The following PRKAG2 variants were observed in gnomAD, a reference collection of about 807,000 sequenced individuals.
PRKAG2 encodes the protein protein kinase AMP-activated non-catalytic subunit gamma 2.
A neutral mutation model predicts 69.6 loss-of-function variants in PRKAG2; 26 were observed. The observed-to-expected ratio is 0.37, with a 90% CI of 0.27 to 0.52. PRKAG2 has a LOEUF of 0.52. Ranked by LOEUF, PRKAG2 falls within the 20% of genes least tolerant of loss-of-function variation. The pLI is 0.90. For missense variants in PRKAG2, 557 were observed against 740.0 expected, an observed-to-expected ratio of 0.75 and a Z score of 2.87; for synonymous variants, 293 against 285.0, an observed-to-expected ratio of 1.03 and a Z score of -0.28.
chr7:151,701,425 G>A (rs1186039515), intron 3 of PRKAG2, among the ~76,000 whole-genome samples: 3 of 152,220 alleles, frequency 2.0e-5, no homozygotes, highest in African/African-American at 7.2e-5. Flanking sequence ...AAGTTGAGAT[G>A]AGGTCATACT....
At chr7:151,735,622 A>C (rs967748106) in intron 3 of PRKAG2, among the ~76,000 whole-genome samples, 4 of 152,218 alleles carry the variant, frequency 2.6e-5, no homozygotes, top group African/African-American at 9.7e-5. Context: ...TTTTTGCATA[A>C]ATGAATGACA....
intron 1 of PRKAG2, among the ~76,000 whole-genome samples, chr7:151,870,642 C>T (rs1021635137): frequency 1.3e-5 from 2 of 152,196 alleles, no homozygotes; most frequent in Non-Finnish European, 2.9e-5. Context: ...CGGGGCAGGA[C>T]GGGGCTCCCC....
rs375446218 is a variant in PRKAG2 at position 151,621,881 on chromosome 7, C to T, written c.754+10188G>A. ...TGAACCACCATGCCCGGCCGGTGTG[C>T]TTTGATCAACGTTACTTTTAAAGAT... On this transcript the variant is annotated intron_variant, in intron 5 of 15. Coordinates refer to ENST00000287878, the MANE Select transcript of PRKAG2 (RefSeq NM_016203.4). Among the ~76,000 whole-genome samples the T allele has an allele frequency of 6.8e-4, 104 of 152,226 alleles. 1 individual carries two copies. In the Middle Eastern group the frequency reaches 0.031, roughly 45 times the overall value.
At chr7:151,631,700 G>A (rs1474446192) in intron 5 of PRKAG2, 2 of 459,908 alleles carry the variant, frequency 4.3e-6, no homozygotes, top group South Asian at 3.1e-5. Context: ...CTGGACTGTG[G>A]GTATGATTCG....
Position 151,609,871 on chromosome 7 carries a change from C to T in PRKAG2, c.755-14417G>A, listed in dbSNP as rs139637664. ...GAAAACAGTCCAGGCTTAGCGGTTC[C>T]GTGCCCACCATTTGGGGCTCCCTCA... On this transcript the variant is annotated intron_variant, in intron 5 of 15. Coordinates refer to ENST00000287878, the MANE Select transcript of PRKAG2 (RefSeq NM_016203.4). 7.0e-3 allele frequency among the ~76,000 whole-genome samples: 1,064 copies of T among 152,314 alleles called. 21 individuals carry two copies. Among genetic ancestry groups the T allele is most frequent in the African/African-American group, 0.024 (1,006 of 41,550 alleles).
At chr7:151,765,323 A>G (rs1304888134) in intron 3 of PRKAG2, among the ~76,000 whole-genome samples, 1 of 152,198 alleles carries the variant, frequency 6.6e-6, no homozygotes, top group African/African-American at 2.4e-5. Flanking sequence ...ACACTTTTCA[A>G]CAACCAGATC....
intron 3 of PRKAG2, among the ~76,000 whole-genome samples, chr7:151,760,846 G>C (rs1486560740): frequency 6.6e-6 from 1 of 152,198 alleles, no homozygotes; most frequent in Non-Finnish European, 1.5e-5. Context: ...GCTTGGCCAT[G>C]ATTGCCTTCA....
At chr7:151,700,368 C>T (rs1212179666) in intron 3 of PRKAG2, among the ~76,000 whole-genome samples, 1 of 152,118 alleles carries the variant, frequency 6.6e-6, no homozygotes, top group Admixed American at 6.5e-5. Context: ...ACGCAGACCT[C>T]CAGGCCCCCA....
intron 1 of PRKAG2, among the ~76,000 whole-genome samples, chr7:151,870,193 GCAGGCAGA>G (rs1350614811): frequency 4.5e-4 from 65 of 145,018 alleles, no homozygotes; most frequent in Non-Finnish European, 6.0e-4. Context: ...AGGCAGGCAG[GCAGGCAGA>G]CAGAGGAATA....
Position 151,874,525 on chromosome 7 carries a change from G to GATGTAT in PRKAG2, c.114+1976_114+1981dup, listed in dbSNP as rs200152872. 7.3e-4 allele frequency among the ~76,000 whole-genome samples: 53 copies of GATGTAT among 72,522 alleles called. 1 individual carries two copies. In the Middle Eastern group the frequency reaches 0.028, roughly 39 times the overall value. The allele number at this position is 72,522 out of a possible 152,430, so 47.6% of individuals were successfully genotyped here. ...ATATGATGTATATGTATATGTATAT[G>GATGTAT]ATGTATATGTATATGTATATGTATA... On this transcript the variant is annotated intron_variant, in intron 1 of 15. Coordinates refer to ENST00000287878, the MANE Select transcript of PRKAG2 (RefSeq NM_016203.4).
At chr7:151,766,883 G>C (rs2075760397) in intron 3 of PRKAG2, among the ~76,000 whole-genome samples, 1 of 152,188 alleles carries the variant, frequency 6.6e-6, no homozygotes, top group Admixed American at 6.5e-5. Context: ...TCCATTCCTT[G>C]ATAGTCCTAT....
rs1449571316 is a variant in PRKAG2, at chr7:151,781,347, C to T, written c.271G>A (p.Ala91Thr). Residue 91 changes from alanine (A) to threonine (T), a missense_variant, in exon 3 of 16, where the codon GCA (alanine) becomes ACA (threonine). Coordinates refer to ENST00000287878, the MANE Select transcript of PRKAG2 (RefSeq NM_016203.4). This position sits in a 1 kb window ranked among gnomAD's most constrained non-coding sequence, Gnocchi z 6.1. ...GGGCTGGTCTTGGGCCTCACAGGTG[C>T]AGACATGGGGCTGGAGGGCCGGGGC... The part of the protein sequence containing the change: ...PQPRPSSPMS[A>T]PVRPKTSPGS... The T allele has an allele frequency of 2.5e-6, 4 of 1,613,818 alleles. No individual in the cohort carries two copies. In the Admixed American group the frequency reaches 5.0e-5, roughly 20 times the overall value.
chr7:151,706,602 G>A (rs1838654751), intron 3 of PRKAG2, among the ~76,000 whole-genome samples: 1 of 152,346 alleles, frequency 6.6e-6, no homozygotes, highest in African/African-American at 2.4e-5. Context: ...TTGAGCAGGT[G>A]TGCACTGGAA....
intron 14 of PRKAG2, among the ~76,000 whole-genome samples, chr7:151,562,244 CAAAAAAAAAAAAAAAA>C (rs575674668): frequency 2.6e-5 from 1 of 38,460 alleles, no homozygotes; most frequent in Non-Finnish European, 6.2e-5. Flanking sequence ...GACTTTGTCT[CAAAAAAAAAAAAAAAA>C]AAAAAAAAAA....
At chr7:151,577,739 T>G (rs1809325141) in intron 6 of PRKAG2, among the ~76,000 whole-genome samples, 1 of 151,956 alleles carries the variant, frequency 6.6e-6, no homozygotes, top group Admixed American at 6.6e-5. Flanking sequence ...ACAAAACTTA[T>G]CAAATACTAG....
intron 3 of PRKAG2, among the ~76,000 whole-genome samples, chr7:151,706,619 A>G (rs1478613959): frequency 6.6e-6 from 1 of 152,192 alleles, no homozygotes; most frequent in Non-Finnish European, 1.5e-5. Context: ...GGAAATGCAA[A>G]TGATGGTTTT....
chr7:151,560,193 G>C (rs551367121), intron 15 of PRKAG2: 492 of 1,197,142 alleles, frequency 4.1e-4, no homozygotes, highest in Non-Finnish European at 5.0e-4. Context: ...CTATGTTTCT[G>C]GTCACTAGTT....
chr7:151,618,670 CAGG>C (rs1367965808), intron 5 of PRKAG2, among the ~76,000 whole-genome samples: 1 of 152,102 alleles, frequency 6.6e-6, no homozygotes, highest in Non-Finnish European at 1.5e-5. Flanking sequence ...GAGGCTGAGG[CAGG>C]AGAATTGCTT....
At chr7:151,726,650 G>A (rs1447642451) in intron 3 of PRKAG2, among the ~76,000 whole-genome samples, 4 of 152,194 alleles carry the variant, frequency 2.6e-5, no homozygotes, top group South Asian at 2.1e-4. Context: ...CTTCAACGCC[G>A]CACGCAGGCA....
Sources: gnomAD v4.1 joint callset for allele counts (sites outside exome capture counted in the v4.1 genomes callset) on GRCh38, gnomAD v4.1.1 for gene constraint, Gnocchi (gnomAD v3.1) non-coding constraint, MANE v1.5 for transcripts, NCBI Gene and HGNC (gene_info 2026-07-23, HGNC 2026-07-21) for gene names.